The following ADGRL4 variants were observed in gnomAD, a reference collection of about 807,000 sequenced individuals.
The protein encoded by ADGRL4 is EGF, latrophilin and seven transmembrane domain containing 1.
Under a neutral mutation model 74.8 loss-of-function variants are expected in ADGRL4, and 90 were observed. The observed-to-expected ratio is 1.20, with a 90% CI of 1.02 to 1.43. The LOEUF is 1.43. ADGRL4 is among the 40% of genes most tolerant of loss of function. The pLI is 0.00. For synonymous variants in ADGRL4, 311 were observed against 279.2 expected, an observed-to-expected ratio of 1.11 and a Z score of -1.14; for missense variants, 881 against 814.3, an observed-to-expected ratio of 1.08 and a Z score of -1.00.
At chr1:78,914,114 G>A (rs1274646642) in intron 12 of ADGRL4, among the ~76,000 whole-genome samples, 2 of 151,768 alleles carry the variant, frequency 1.3e-5, no homozygotes, top group South Asian at 2.1e-4. Context: ...ATGCTTATAA[G>A]GGCTGCTTGC....
chr1:78,988,417 T>C (rs1011541713), intron 2 of ADGRL4, among the ~76,000 whole-genome samples: 4 of 151,860 alleles, frequency 2.6e-5, no homozygotes, highest in Non-Finnish European at 5.9e-5. Context: ...TTTTCATTTA[T>C]TGGAAAAGTT....
At chr1:78,989,688 T>C (rs935264385) in intron 2 of ADGRL4, among the ~76,000 whole-genome samples, 3 of 151,860 alleles carry the variant, frequency 2.0e-5, no homozygotes, top group Admixed American at 6.6e-5. Context: ...CTTAATCAGG[T>C]GTCCTGAATG....
In ADGRL4 at chr1:78,929,020, T is replaced by C. The variant is rs959761436; in HGVS notation, c.878-1929A>G. 5.9e-5 allele frequency among the ~76,000 whole-genome samples: 9 copies of C among 151,740 alleles called. 1 individual carries two copies. The highest frequency in any genetic ancestry group is 1.7e-4 in the African/African-American group (7 of 41,010). ...GAGAATGACTAAAACCACTTCTCAA[T>C]AGAGCTTCATATGCTGCTTTATTTT... On this transcript the variant is annotated intron_variant, in intron 7 of 14. Coordinates refer to ENST00000370742, the MANE Select transcript of ADGRL4 (RefSeq NM_022159.4).
At chr1:78,953,062 T>C (rs1370240414) in intron 2 of ADGRL4, among the ~76,000 whole-genome samples, 2 of 152,086 alleles carry the variant, frequency 1.3e-5, no homozygotes, top group African/African-American at 4.8e-5. Context: ...TATACACATA[T>C]TAGAAAAACA....
chr1:78,950,375 C>T (rs942322170), intron 2 of ADGRL4, among the ~76,000 whole-genome samples: 3 of 152,086 alleles, frequency 2.0e-5, no homozygotes, highest in Non-Finnish European at 4.4e-5. Context: ...GTAGGCATGG[C>T]TGAAACCGAG....
In ADGRL4 at chr1:78,950,366, T is replaced by C. The variant is rs1023268717; in HGVS notation, c.173-3940A>G. On this transcript the variant is annotated intron_variant, in intron 2 of 14. Transcript: ENST00000370742. ...GCTTCAGGGCAAGAATCTGTGCAGGTAGGCATGGCTGAAACCGAGAAAACG... is the reference window on the plus strand; with the variant it reads ...GCTTCAGGGCAAGAATCTGTGCAGGCAGGCATGGCTGAAACCGAGAAAACG... 2.6e-5 allele frequency among the ~76,000 whole-genome samples: 4 copies of C among 152,040 alleles called. No individual in the cohort carries two copies. In the East Asian group the frequency reaches 7.7e-4, roughly 29 times the overall value.
intron 2 of ADGRL4, among the ~76,000 whole-genome samples, chr1:78,977,773 A>G (rs1650318143): frequency 6.6e-6 from 1 of 151,814 alleles, no homozygotes; most frequent in Non-Finnish European, 1.5e-5. Context: ...CTGGCTATAA[A>G]CTACTTATAG....
At chr1:78,980,726 G>A (rs1650380494) in intron 2 of ADGRL4, among the ~76,000 whole-genome samples, 1 of 151,882 alleles carries the variant, frequency 6.6e-6, no homozygotes, top group African/African-American at 2.4e-5. Context: ...GAACCAGAGA[G>A]GTCACGAGGT....
At chr1:78,953,710 A>G (rs945895441) in intron 2 of ADGRL4, among the ~76,000 whole-genome samples, 4 of 152,212 alleles carry the variant, frequency 2.6e-5, no homozygotes, top group Non-Finnish European at 5.9e-5. Context: ...ATATAGGGGA[A>G]GATTAGATGG....
At chr1:78,925,207 G>A (rs550459183) in intron 8 of ADGRL4, among the ~76,000 whole-genome samples, 8 of 152,060 alleles carry the variant, frequency 5.3e-5, no homozygotes, top group African/African-American at 1.9e-4. Context: ...AAGGCTGCAG[G>A]GGCTTGAAAC....
intron 2 of ADGRL4, among the ~76,000 whole-genome samples, chr1:78,978,175 A>C (rs993375857): frequency 1.3e-5 from 2 of 151,916 alleles, no homozygotes; most frequent in African/African-American, 4.8e-5. Flanking sequence ...AAGCATCAGC[A>C]TTCCAGTTAC....
rs369678100 is a variant in ADGRL4, at chr1:78,980,710, G to A, written c.172+24360C>T. Among the ~76,000 whole-genome samples the A allele has an allele frequency of 1.6e-4, 24 of 151,968 alleles. No homozygotes were observed. The South Asian group carries it at 4.6e-3, about 29-fold the overall frequency. On this transcript the variant is annotated intron_variant, in intron 2 of 14. Transcript: ENST00000370742. ...TATTTCCTCACAGAATCGCAAGGCT[G>A]GAAATGAACCAGAGAGGTCACGAGG...
chr1:78,924,158 C>T (rs1201225373), intron 8 of ADGRL4, among the ~76,000 whole-genome samples: 2 of 151,846 alleles, frequency 1.3e-5, no homozygotes, highest in Non-Finnish European at 2.9e-5. Context: ...CCAGGTTACC[C>T]TTGAAAGCTG....
At chr1:78,956,993 A>G (rs924576552) in intron 2 of ADGRL4, among the ~76,000 whole-genome samples, 5 of 152,124 alleles carry the variant, frequency 3.3e-5, no homozygotes, top group African/African-American at 1.2e-4. Flanking sequence ...TTCTCACAAC[A>G]CTTCAGACTT....
At position 78,890,332 on chromosome 1, in the gene ADGRL4, T is replaced by C. The variant is rs1648242235; in HGVS notation, c.*822A>G. The C allele has an allele frequency of 6.6e-6, 1 of 152,176 alleles. No homozygotes were observed. 9.4% of individuals were successfully genotyped at this position (152,176 alleles called of 1,614,324 possible). On this transcript the variant is annotated 3_prime_UTR_variant, in exon 15 of 15. Coordinates refer to ENST00000370742, the MANE Select transcript of ADGRL4 (RefSeq NM_022159.4). ...TCAGCTTTATTACACTGTTTTTACA[T>C]TGATAGGTATAAACAATATTATATC...
In ADGRL4 at chr1:78,999,607, AT is replaced by A. The variant is rs1485438868; in HGVS notation, c.172+5462del. Among the ~76,000 whole-genome samples the A allele has an allele frequency of 1.3e-5, 2 of 152,122 alleles. 1 individual carries two copies. The highest frequency in any genetic ancestry group is 2.9e-5 in the Non-Finnish European group (2 of 68,008). Reference sequence around the variant, plus strand: ...AATAAATAAATAGAATACAATTTTTATTTAGTTTTACATTCCTAGCAGCTTC... The same window carrying A: ...AATAAATAAATAGAATACAATTTTTATTAGTTTTACATTCCTAGCAGCTTC... On this transcript the variant is annotated intron_variant, in intron 2 of 14. Transcript: ENST00000370742.
At chr1:78,966,444 G>A (rs75005363) in intron 2 of ADGRL4, among the ~76,000 whole-genome samples, 5,747 of 152,232 alleles carry the variant, frequency 0.038, 149 homozygotes, top group Middle Eastern at 0.058. Context: ...CAGCTTTGGC[G>A]CCCAACGTGG....
At position 78,891,548 on chromosome 1, in the gene ADGRL4, T is replaced by A; in HGVS notation, c.1986A>T (p.Leu662Phe). The A allele has an allele frequency of 6.2e-7, 1 of 1,612,880 alleles. No individual in the cohort carries two copies. The highest frequency in any genetic ancestry group is 8.5e-7 in the Non-Finnish European group (1 of 1,179,560). ...CCTTTCTAGATAAAACACACAGGAA[T>A]AAAAAAATGAACATCCCCTGGAAAG... is the stretch of plus-strand genomic sequence containing the variant. The part of the protein sequence containing the change: ...SNAFQGMFIF[L>F]FLCVLSRKIQ... Residue 662 changes from leucine (L) to phenylalanine (F), a missense_variant, in exon 14 of 15, where the codon TTA becomes TTT. Transcript: ENST00000370742.
At chr1:78,930,294 C>T (rs1206341986) in intron 7 of ADGRL4, among the ~76,000 whole-genome samples, 2 of 149,320 alleles carry the variant, frequency 1.3e-5, no homozygotes, top group Non-Finnish European at 3.0e-5. Context: ...TTCCTATTTT[C>T]TCAAGGTAAT....
Sources: allele counts gnomAD v4.1 joint callset (sites outside exome capture counted in the v4.1 genomes callset), GRCh38; gene constraint gnomAD v4.1.1; transcripts MANE v1.5; gene names NCBI Gene and HGNC (gene_info 2026-07-23, HGNC 2026-07-21).